OCA2: variants seen among roughly 807,000 people sequenced by gnomAD.
The protein encoded by OCA2 is OCA2 melanosomal transmembrane protein, also known as P protein.
In OCA2, 77 loss-of-function variants were observed where a neutral mutation model predicts 100.2. The ratio of observed to expected loss-of-function variants is 0.77; its 90% CI spans 0.64 to 0.93. The LOEUF (loss-of-function observed/expected upper bound fraction) is 0.93, where lower values mean the gene tolerates loss of function less well. OCA2 is among the 40% of genes least tolerant of loss of function. OCA2 has a pLI of 0.00. For missense variants in OCA2, 1,062 were observed against 1,089.1 expected (o/e 0.98, Z 0.35); for synonymous variants, 432 against 439.2 (o/e 0.98, Z 0.21).
chr15:27,720,638 C>G, the OCA2 span, among the ~76,000 whole-genome samples: 1 of 151,866 alleles, frequency 6.6e-6, no homozygotes, highest in East Asian at 1.9e-4. Context: ...ATATAAAATT[C>G]TGGTGGCAAA....
the OCA2 span, among the ~76,000 whole-genome samples, chr15:27,733,065 T>C: frequency 6.6e-6 from 1 of 152,284 alleles, no homozygotes; most frequent in Middle Eastern, 3.4e-3. Flanking sequence ...CCATTAGCAC[T>C]CGTCTCTCAT....
intron 2 of OCA2, among the ~76,000 whole-genome samples, chr15:28,054,300 CTGTG>C (rs1301096952): frequency 6.6e-6 from 1 of 152,132 alleles, no homozygotes; most frequent in Non-Finnish European, 1.5e-5. Flanking sequence ...ACATGTATAA[CTGTG>C]TGGGTATGTA....
intron 9 of OCA2, among the ~76,000 whole-genome samples, chr15:27,999,826 C>T (rs1349717375): frequency 6.6e-6 from 1 of 152,036 alleles, no homozygotes; most frequent in East Asian, 1.9e-4. Flanking sequence ...AATATGCTAA[C>T]AATGTACTAT....
At chr15:27,836,410 C>T (rs1045196567) in intron 23 of OCA2, among the ~76,000 whole-genome samples, 1 of 145,412 alleles carries the variant, frequency 6.9e-6, no homozygotes, top group Non-Finnish European at 1.5e-5. Context: ...TCTTTTCTTT[C>T]TTCTCTTTCC....
chr15:27,953,953 C>CTTA (rs1027652751), intron 17 of OCA2, among the ~76,000 whole-genome samples: 1 of 151,954 alleles, frequency 6.6e-6, no homozygotes, highest in African/African-American at 2.4e-5. Context: ...TTATATCATT[C>CTTA]TTATGCCTTT....
chr15:27,812,477 T>C (rs746184721), intron 23 of OCA2, among the ~76,000 whole-genome samples: 5 of 152,154 alleles, frequency 3.3e-5, no homozygotes, highest in Non-Finnish European at 7.3e-5. Context: ...TCATGATAGG[T>C]TTTTATATTG....
At chr15:28,003,640 G>C (rs1386652067) in intron 9 of OCA2, among the ~76,000 whole-genome samples, 2 of 150,434 alleles carry the variant, frequency 1.3e-5, no homozygotes, top group African/African-American at 5.0e-5. Flanking sequence ...CGTGAGCCGT[G>C]CGCAGGGCAG....
intron 14 of OCA2, among the ~76,000 whole-genome samples, chr15:27,973,668 CTCTTTTT>C (rs1425470022): frequency 6.6e-6 from 1 of 152,112 alleles, no homozygotes; most frequent in Admixed American, 6.6e-5. Context: ...GCTATTCAGG[CTCTTTTT>C]TGGTTCCATA....
intron 6 of OCA2, among the ~76,000 whole-genome samples, chr15:28,020,914 G>A (rs1339027722): frequency 6.6e-6 from 1 of 152,096 alleles, no homozygotes. Flanking sequence ...TGCCCTGCTG[G>A]GTAGGTCACT....
chr15:27,719,338 C>T, the OCA2 span, among the ~76,000 whole-genome samples: 7 of 152,168 alleles, frequency 4.6e-5, no homozygotes, highest in Admixed American at 4.6e-4. Flanking sequence ...CCTAAAAGGA[C>T]ACCAGTCGTA....
intron 6 of OCA2, among the ~76,000 whole-genome samples, chr15:28,020,546 T>A (rs2141280425): frequency 6.6e-6 from 1 of 152,100 alleles, no homozygotes; most frequent in South Asian, 2.1e-4. Flanking sequence ...TCCTGGGAAC[T>A]TCATGAGGGG....
At chr15:27,819,852 T>C (rs924949527) in intron 23 of OCA2, among the ~76,000 whole-genome samples, 18 of 152,082 alleles carry the variant, frequency 1.2e-4, no homozygotes, top group African/African-American at 4.3e-4. Context: ...ATAATACCAG[T>C]CTCCAGTAAA....
the OCA2 span, among the ~76,000 whole-genome samples, chr15:27,749,080 C>T: frequency 2.0e-5 from 3 of 151,986 alleles, no homozygotes; most frequent in South Asian, 2.1e-4. Context: ...GAAAATTTCC[C>T]GATTTTGGTA....
intron 1 of OCA2, among the ~76,000 whole-genome samples, chr15:28,095,019 A>C (rs1297208705): frequency 2.6e-5 from 4 of 152,244 alleles, no homozygotes; most frequent in Non-Finnish European, 4.4e-5. Context: ...GCTCGGCCCA[A>C]GAAAAGGCTC....
chr15:27,989,432 C>T (rs1567199856), intron 11 of OCA2, among the ~76,000 whole-genome samples, 169 bp downstream of exon 11: 2 of 152,158 alleles, frequency 1.3e-5, no homozygotes, highest in Admixed American at 6.5e-5. Context: ...CGAACCATAG[C>T]CCCATTCCAT....
At chr15:27,941,807 T>C (rs1298128655) in intron 18 of OCA2, among the ~76,000 whole-genome samples, 2 of 152,212 alleles carry the variant, frequency 1.3e-5, no homozygotes, top group African/African-American at 2.4e-5. Flanking sequence ...CTGTTGTTAA[T>C]GTAAATCACA....
At chr15:27,910,402 C>T (rs2249406) in intron 19 of OCA2, among the ~76,000 whole-genome samples, 8,232 of 152,158 alleles carry the variant, frequency 0.054, 764 homozygotes, top group African/African-American at 0.19. Flanking sequence ...TGTTTGTAAT[C>T]ACAAAAGACT....
chr15:27,844,913 G>C (rs762893212), intron 23 of OCA2, 46 bp downstream of exon 23: 5 of 1,320,406 alleles, frequency 3.8e-6, no homozygotes, highest in Non-Finnish European at 5.5e-6. Flanking sequence ...AGTAAGCTTA[G>C]GAACTAGACA....
chr15:27,886,382 C>T (rs1470760417), intron 19 of OCA2, among the ~76,000 whole-genome samples: 2 of 152,126 alleles, frequency 1.3e-5, no homozygotes, highest in Non-Finnish European at 2.9e-5. Flanking sequence ...ACCAAACGGC[C>T]GCTGAGAAGC....
Sources: allele counts gnomAD v4.1 joint callset (sites outside exome capture counted in the v4.1 genomes callset), GRCh38; gene constraint gnomAD v4.1.1; transcripts MANE v1.5; gene names NCBI Gene and HGNC (gene_info 2026-07-23, HGNC 2026-07-21).